Variants in HCN1 observed in about 807,000 individuals in gnomAD.
HCN1 encodes potassium/sodium hyperpolarization-activated cyclic nucleotide-gated channel 1.
HCN1 carries 13 observed loss-of-function variants against 78.9 expected under a neutral mutation model. That is an observed-to-expected ratio of 0.16 (90% CI 0.11 to 0.26). The LOEUF (loss-of-function observed/expected upper bound fraction) is 0.26. HCN1 is among the 10% of genes least tolerant of loss of function. The pLI is 1.00. For synonymous variants in HCN1, 552 were observed against 455.5 expected (o/e 1.21, Z -2.70); for missense variants, 810 against 1,154.3 (o/e 0.70, Z 4.32).
At chr5:45,646,072 A>G (rs1745542967) in intron 1 of HCN1, among the ~76,000 whole-genome samples, 1 of 152,070 alleles carries the variant, frequency 6.6e-6, no homozygotes, top group Admixed American at 6.6e-5. Flanking sequence ...AGAAATAAAT[A>G]GGATACTCTA....
intron 5 of HCN1, among the ~76,000 whole-genome samples, chr5:45,338,479 A>G (rs920016575): frequency 6.6e-6 from 1 of 152,174 alleles, no homozygotes; most frequent in East Asian, 1.9e-4. Context: ...GTGTATACAC[A>G]TTTTAATATT....
At chr5:45,491,361 A>C (rs1741881189) in intron 2 of HCN1, among the ~76,000 whole-genome samples, 1 of 152,126 alleles carries the variant, frequency 6.6e-6, no homozygotes, top group African/African-American at 2.4e-5. Flanking sequence ...TCCATACTCC[A>C]ACAAACACAT....
chr5:45,654,948 T>C (rs1233701091), intron 1 of HCN1, among the ~76,000 whole-genome samples: 1 of 152,182 alleles, frequency 6.6e-6, no homozygotes, highest in Non-Finnish European at 1.5e-5. Flanking sequence ...GCTGATAATA[T>C]AAGTCACCTC....
At chr5:45,666,350 C>A (rs1358799132) in intron 1 of HCN1, among the ~76,000 whole-genome samples, 1 of 152,050 alleles carries the variant, frequency 6.6e-6, no homozygotes, top group Non-Finnish European at 1.5e-5. Flanking sequence ...TTTATTCATA[C>A]TTCACATAAG....
intron 3 of HCN1, among the ~76,000 whole-genome samples, chr5:45,423,767 G>T (rs1740278290): frequency 6.6e-6 from 1 of 152,112 alleles, no homozygotes; most frequent in Admixed American, 6.5e-5. Flanking sequence ...TGGGATAGAG[G>T]TTCAATAAAG....
chr5:45,552,009 C>T (rs1230844145), intron 2 of HCN1, among the ~76,000 whole-genome samples: 2 of 151,910 alleles, frequency 1.3e-5, no homozygotes. Flanking sequence ...TAATTGTCCA[C>T]TCTTAGAAAT....
At chr5:45,292,098 T>A (rs1561091277) in intron 6 of HCN1, among the ~76,000 whole-genome samples, 1 of 152,002 alleles carries the variant, frequency 6.6e-6, no homozygotes. Context: ...AAGAAAGGAA[T>A]GTAATTTATT....
At chr5:45,579,402 C>T (rs191920848) in intron 2 of HCN1, among the ~76,000 whole-genome samples, 1 of 152,172 alleles carries the variant, frequency 6.6e-6, no homozygotes, top group East Asian at 1.9e-4. Context: ...AGACCAATCT[C>T]CATGCCTTGT....
At chr5:45,636,132 T>C (rs913135805) in intron 2 of HCN1, among the ~76,000 whole-genome samples, 2 of 152,174 alleles carry the variant, frequency 1.3e-5, no homozygotes, top group Non-Finnish European at 2.9e-5. Context: ...TGTACCCCTT[T>C]CCAATGTCCA....
rs1413239994 is a variant in HCN1 at position 45,695,820 on chromosome 5, C to A, written c.274G>T (p.Gly92Cys). 1 of 1,607,626 alleles carries A rather than the reference C, an allele frequency of 6.2e-7. No individual in the cohort carries two copies. Among genetic ancestry groups the A allele is most frequent in the Non-Finnish European group, 8.5e-7 (1 of 1,178,946 alleles). The change falls in exon 1 of 8, where the codon GGC becomes TGC. Residue 92 changes from glycine (G) to cysteine (C), a missense_variant. Around this residue, in one of 6 missense-constraint regions of HCN1, gnomAD observed 170 missense variants for 166.8 expected, o/e 1.02. Transcript: ENST00000303230. ...GAGGTGAACTGCCTCTGCATGAAGC[C>A]GTACTGCCGCCGGGGCCCCTCGGCG... is the stretch of plus-strand genomic sequence containing the variant. ...EDAEGPRRQY[G>C]FMQRQFTSML...
At chr5:45,599,816 G>A (rs906248971) in intron 2 of HCN1, among the ~76,000 whole-genome samples, 19 of 151,946 alleles carry the variant, frequency 1.3e-4, no homozygotes, top group African/African-American at 4.6e-4. Context: ...CACTAGAGTA[G>A]CATTTTCTGT....
At chr5:45,300,057 G>GTCT (rs1327433107) in intron 6 of HCN1, among the ~76,000 whole-genome samples, 1 of 151,998 alleles carries the variant, frequency 6.6e-6, no homozygotes, top group African/African-American at 2.4e-5. Context: ...ACATATTCCA[G>GTCT]TCTTTGTATA....
chr5:45,341,808 G>A (rs1746587784), intron 5 of HCN1, among the ~76,000 whole-genome samples: 1 of 152,132 alleles, frequency 6.6e-6, no homozygotes, highest in Non-Finnish European at 1.5e-5. Flanking sequence ...GTTAGCTAAA[G>A]CTTTAGCAGA....
chr5:45,498,601 C>T (rs1049262367), intron 2 of HCN1, among the ~76,000 whole-genome samples: 12 of 152,318 alleles, frequency 7.9e-5, no homozygotes, highest in East Asian at 1.9e-4. Context: ...AGTCATTTTC[C>T]GTCCAGCTTC....
Position 45,259,931 on chromosome 5 carries a change from C to T in HCN1, c.*1990G>A, listed in dbSNP as rs966645500. 6.6e-6 allele frequency: 1 copy of T among 152,540 alleles called. No individual in the cohort carries two copies. Among genetic ancestry groups the T allele is most frequent in the Non-Finnish European group, 1.5e-5 (1 of 68,018 alleles). 9.4% of individuals were successfully genotyped at this position (152,540 alleles called of 1,614,324 possible). On this transcript the variant is annotated 3_prime_UTR_variant, in exon 8 of 8. Coordinates refer to ENST00000303230, the MANE Select transcript of HCN1 (RefSeq NM_021072.4). ...AGGTTCTAGGTAGACTGAACAATCCCTTTCTTACAACAGTATTCCTGACAT... is the reference window on the plus strand; with the variant it reads ...AGGTTCTAGGTAGACTGAACAATCCTTTTCTTACAACAGTATTCCTGACAT...
chr5:45,689,575 G>A (rs1372299770), intron 1 of HCN1, among the ~76,000 whole-genome samples: 2 of 152,076 alleles, frequency 1.3e-5, no homozygotes, highest in Non-Finnish European at 2.9e-5. Context: ...TTTCAAGCTT[G>A]GGGGTAATGT....
At chr5:45,296,908 A>G (rs1264651727) in intron 6 of HCN1, among the ~76,000 whole-genome samples, 1 of 152,020 alleles carries the variant, frequency 6.6e-6, no homozygotes, top group African/African-American at 2.4e-5. Context: ...AGAACTATCT[A>G]ACCTAAATAA....
At position 45,301,353 on chromosome 5, in the gene HCN1, A is replaced by G. The variant is rs116554859; in HGVS notation, c.1618+2246T>C. Among the ~76,000 whole-genome samples, 328 of 135,216 alleles carry G rather than the reference A, an allele frequency of 2.4e-3. 2 individuals are homozygous for G. The highest frequency in any genetic ancestry group is 9.0e-3 in the African/African-American group (320 of 35,568). 88.7% of individuals were successfully genotyped at this position (135,216 alleles called of 152,430 possible). A position where few individuals can be genotyped will look rare whatever the true frequency, so the allele number is the denominator to read the frequency against. On this transcript the variant is annotated intron_variant, in intron 6 of 7. Transcript: ENST00000303230. ...TATTTAGAATATGTATAATAATAAA[A>G]TATAATAAATTATAATAACAGAGTA... is the stretch of plus-strand genomic sequence containing the variant.
intron 3 of HCN1, among the ~76,000 whole-genome samples, chr5:45,427,204 A>T (rs1340284835): frequency 6.6e-6 from 1 of 152,042 alleles, no homozygotes; most frequent in African/African-American, 2.4e-5. Flanking sequence ...GCTTCTTACA[A>T]GCTGCTTGTT....
Sources: allele counts gnomAD v4.1 joint callset (sites outside exome capture counted in the v4.1 genomes callset), GRCh38; gene constraint gnomAD v4.1.1; regional missense constraint gnomAD v4.1.1; transcripts MANE v1.5; gene names NCBI Gene and HGNC (gene_info 2026-07-23, HGNC 2026-07-21).